JOSD2: variants seen among roughly 807,000 people sequenced by gnomAD.
JOSD2 encodes the protein Josephin domain containing 2, also known as josephin-2.
A neutral mutation model predicts 19.3 loss-of-function variants in JOSD2; 20 were observed. The observed-to-expected ratio is 1.04, with a 90% CI of 0.73 to 1.51. JOSD2 has a LOEUF of 1.51. Ranked by LOEUF, JOSD2 falls within the 40% of genes most tolerant of loss-of-function variation. The pLI is 0.00. For missense variants in JOSD2, 215 were observed against 250.4 expected (o/e 0.86, Z 0.95); for synonymous variants, 118 against 123.7 (o/e 0.95, Z 0.31).
rs1185749411 is a variant in JOSD2 at position 50,506,516 on chromosome 19, G to A, written c.329C>T (p.Ser110Leu). ...TGACAGCAGCCCCAGCGACACGGGC[G>A]AGGGCAGGTTCAGGATCAGCCCCAG... ...QVLGLILNLP[S>L]PVSLGLLSLP... The change falls in exon 4 of 5, where the codon TCG (serine) becomes TTG (leucine). Residue 110 changes from serine to leucine, a missense_variant. Transcript: ENST00000598418. 5.8e-6 allele frequency: 9 copies of A among 1,553,488 alleles called. No homozygotes were observed. The highest frequency in any genetic ancestry group is 4.9e-5 in the East Asian group (2 of 41,208).
Position 50,506,427 on chromosome 19 carries a change from C to A in JOSD2, c.418G>T (p.Asp140Tyr). Residue 140 changes from aspartate to tyrosine, a missense_variant, in exon 4 of 5, where the codon GAC (aspartate) becomes TAC (tyrosine). By Grantham distance (160) the Asp-to-Tyr change is radical. Coordinates refer to ENST00000598418, the MANE Select transcript of JOSD2 (RefSeq NM_001270639.2). ...GCCTCGGGCGCCCGCAGCTTGGAGT[C>A]CAGGTTGTAGTAGACACCGTCCACC... is the stretch of plus-strand genomic sequence containing the variant. ...RQVDGVYYNL[D>Y]SKLRAPEALG... 6.2e-7 allele frequency: 1 copy of A among 1,604,468 alleles called. No individual in the cohort carries two copies. Among genetic ancestry groups the A allele is most frequent in the Non-Finnish European group, 8.5e-7 (1 of 1,176,292 alleles).
intron 2 of JOSD2, 134 bp from the exon 3 acceptor site, chr19:50,507,833 C>T: frequency 9.1e-7 from 1 of 1,098,314 alleles, no homozygotes. Context: ...CATCCACCCC[C>T]AAGTCCTGCC....
chr19:50,506,062 G>C lies in JOSD2; in HGVS notation c.*111C>G. ...TGGGGAGCAGGGGTGTGGGGAGGGG[G>C]CGGGGCCTCCCCAGGGTCCATGAAG... is the stretch of plus-strand genomic sequence containing the variant. On this transcript the variant is annotated 3_prime_UTR_variant, in exon 5 of 5. Coordinates refer to ENST00000598418, the MANE Select transcript of JOSD2 (RefSeq NM_001270639.2). The C allele has an allele frequency of 2.1e-6, 2 of 972,406 alleles. No individual in the cohort carries two copies. Among genetic ancestry groups the C allele is most frequent in the Admixed American group, 2.6e-5 (1 of 39,038 alleles). The allele number at this position is 972,406 out of a possible 1,614,324, so 60.2% of individuals were successfully genotyped here. A position where few individuals can be genotyped will look rare whatever the true frequency, so the allele number is the denominator to read the frequency against.
intron 2 of JOSD2, among the ~76,000 whole-genome samples, chr19:50,508,185 C>A (rs976451570): frequency 6.6e-6 from 1 of 152,222 alleles, no homozygotes; most frequent in East Asian, 1.9e-4. Flanking sequence ...TGGACAAAGT[C>A]CCTGTCCCTC....
At chr19:50,509,928 C>T (rs1372841700) in intron 2 of JOSD2, among the ~76,000 whole-genome samples, 5 of 151,760 alleles carry the variant, frequency 3.3e-5, no homozygotes, top group Non-Finnish European at 7.4e-5. Flanking sequence ...TGGCGGGTGC[C>T]TGTAGTCCCA....
At chr19:50,509,334 C>T (rs533948854) in intron 2 of JOSD2, among the ~76,000 whole-genome samples, 88 of 152,200 alleles carry the variant, frequency 5.8e-4, no homozygotes, top group Non-Finnish European at 1.1e-3. Context: ...CTCAAGTGAT[C>T]CACCCGCCTC....
At chr19:50,507,799 C>G (rs985196943) in intron 2 of JOSD2, 100 bp from the exon 3 acceptor site, 2 of 1,436,254 alleles carry the variant, frequency 1.4e-6, no homozygotes, top group Admixed American at 4.1e-5. Flanking sequence ...GCCTTTGACT[C>G]TCCCCGCTTC....
chr19:50,508,697 TCGTG>T (rs978422246), intron 2 of JOSD2, among the ~76,000 whole-genome samples: 6 of 109,208 alleles, frequency 5.5e-5, no homozygotes, highest in East Asian at 2.5e-4. Context: ...AGGAAAACGC[TCGTG>T]TGTGTGTGTG....
chr19:50,506,553 G>C lies in JOSD2; in HGVS notation c.292C>G (p.Leu98Val). 2 of 1,542,608 alleles carry C rather than the reference G, an allele frequency of 1.3e-6. No individual in the cohort carries two copies. The highest frequency in any genetic ancestry group is 1.8e-6 in the Non-Finnish European group (2 of 1,142,362). ...AGGATCAGCCCCAGTACCTGGGGCA[G>C]GGCCAGCTGGGACAGGGGCCTGTGT... ...DRRRPLSQLA[L>V]PQVLGLILNL... The change falls in exon 4 of 5, where the codon CTG becomes GTG. Residue 98 changes from leucine (L) to valine (V), a missense_variant. Coordinates refer to ENST00000598418, the MANE Select transcript of JOSD2 (RefSeq NM_001270639.2).
intron 2 of JOSD2, among the ~76,000 whole-genome samples, chr19:50,509,192 C>T (rs751346669): frequency 2.6e-5 from 4 of 151,494 alleles, no homozygotes; most frequent in Non-Finnish European, 4.4e-5. Flanking sequence ...ATTCTCCCAC[C>T]TTAGCCTCCA....
intron 1 of JOSD2, 153 bp downstream of exon 1, chr19:50,510,964 C>T (rs1282357474): frequency 5.1e-6 from 2 of 391,112 alleles, no homozygotes; most frequent in African/African-American, 2.1e-5. Flanking sequence ...TGTCACCTGG[C>T]AACGGGGCCC....
chr19:50,509,399 T>C (rs1979592576), intron 2 of JOSD2, among the ~76,000 whole-genome samples: 1 of 150,884 alleles, frequency 6.6e-6, no homozygotes, highest in South Asian at 2.1e-4. Flanking sequence ...GGCCAAAGAG[T>C]GATGTTGGAC....
chr19:50,510,534 G>A, intron 1 of JOSD2, 86 bp from the exon 2 acceptor site: 1 of 1,306,702 alleles, frequency 7.7e-7, no homozygotes. Context: ...CATCGCCATT[G>A]ATTGAGCTGG....
At chr19:50,507,044 C>T (rs539705045) in intron 3 of JOSD2, among the ~76,000 whole-genome samples, 19 of 149,324 alleles carry the variant, frequency 1.3e-4, no homozygotes, top group East Asian at 4.0e-4. Flanking sequence ...CCCACCTCCC[C>T]GTCAACCACC....
intron 3 of JOSD2, among the ~76,000 whole-genome samples, chr19:50,506,936 C>A (rs1979398449): frequency 6.6e-6 from 1 of 151,272 alleles, no homozygotes; most frequent in African/African-American, 2.4e-5. Flanking sequence ...GATCCGCCCA[C>A]CCCACTGAGC....
rs537262893 is a variant in JOSD2 at position 50,509,651 on chromosome 19, A to C, written c.146+635T>G. On this transcript the variant is annotated intron_variant, in intron 2 of 4. Transcript: ENST00000598418. ...GGAGAGCTGTGACAGGGCCCAGATA[A>C]GAGATGCCTGAAGCTGGGTGAGCCT... 9.2e-5 allele frequency among the ~76,000 whole-genome samples: 14 copies of C among 152,180 alleles called. No individual in the cohort carries two copies. The East Asian group carries it at 2.7e-3, about 29-fold the overall frequency.
At chr19:50,508,095 C>T (rs1380646258) in intron 2 of JOSD2, 4 of 300,588 alleles carry the variant, frequency 1.3e-5, no homozygotes, top group Admixed American at 4.6e-5. Flanking sequence ...TCTCCCGCAG[C>T]CTCCAGCCTC....
intron 3 of JOSD2, among the ~76,000 whole-genome samples, chr19:50,507,246 G>A (rs928459207): frequency 1.4e-5 from 2 of 144,936 alleles, no homozygotes; most frequent in South Asian, 4.4e-4. Context: ...CCCAGCCACT[G>A]GCCAGCCGGC....
chr19:50,507,927 C>T (rs1979484366), intron 2 of JOSD2: 1 of 605,240 alleles, frequency 1.7e-6, no homozygotes, highest in Admixed American at 2.9e-5. Context: ...GCCTCTCCTG[C>T]CCCGACTCTG....
Sources: allele counts gnomAD v4.1 joint callset (sites outside exome capture counted in the v4.1 genomes callset), GRCh38; gene constraint gnomAD v4.1.1; transcripts MANE v1.5; gene names NCBI Gene and HGNC (gene_info 2026-07-23, HGNC 2026-07-21).